SHISAL1: variants seen among roughly 807,000 people sequenced by gnomAD.
SHISAL1 encodes the protein shisa like 1, also known as protein shisa-like-1.
Under a neutral mutation model 22.6 loss-of-function variants are expected in SHISAL1, and 9 were observed. That is an observed-to-expected ratio of 0.40 (90% CI 0.24 to 0.70). The LOEUF (loss-of-function observed/expected upper bound fraction) is 0.70. Ranked by LOEUF, SHISAL1 falls within the 30% of genes least tolerant of loss-of-function variation. The pLI, the probability that SHISAL1 is intolerant of heterozygous loss-of-function variation, is 0.39. For synonymous variants in SHISAL1, 119 were observed against 115.4 expected, an observed-to-expected ratio of 1.03 and a Z score of -0.20; for missense variants, 246 against 270.6, an observed-to-expected ratio of 0.91 and a Z score of 0.64.
chr22:44,294,822 AG>A (rs1262812673), intron 3 of SHISAL1, among the ~76,000 whole-genome samples: 1 of 152,230 alleles, frequency 6.6e-6, no homozygotes, highest in Non-Finnish European at 1.5e-5. Flanking sequence ...AACAATACTC[AG>A]AGGATATAGT....
chr22:44,251,190 T>G (rs1205830301), intron 4 of SHISAL1, among the ~76,000 whole-genome samples: 1 of 152,248 alleles, frequency 6.6e-6, no homozygotes, highest in Non-Finnish European at 1.5e-5. Flanking sequence ...TGATTGTGTG[T>G]TTTACACATC....
chr22:44,331,433 C>T, the SHISAL1 span, among the ~76,000 whole-genome samples: 1 of 151,392 alleles, frequency 6.6e-6, no homozygotes, highest in African/African-American at 2.4e-5. The surrounding 1 kb of genome is among the most constrained non-coding windows in gnomAD (Gnocchi z 5.2). Context: ...TCTCGGACCC[C>T]GGCCCAGGCG....
At chr22:44,282,546 G>A (rs1379866180) in intron 4 of SHISAL1, among the ~76,000 whole-genome samples, 1 of 152,188 alleles carries the variant, frequency 6.6e-6, no homozygotes, top group Non-Finnish European at 1.5e-5. Context: ...TCCTCCTGCT[G>A]CCCCTGCACA....
chr22:44,258,870 G>T (rs148315201), intron 4 of SHISAL1, among the ~76,000 whole-genome samples: 1 of 152,168 alleles, frequency 6.6e-6, no homozygotes, highest in Non-Finnish European at 1.5e-5. Flanking sequence ...ATGTAAGAGT[G>T]GGGTGGATGG....
At position 44,248,376 on chromosome 22, in the gene SHISAL1, A is replaced by G. The variant is rs1430011588; in HGVS notation, c.*1309T>C. On this transcript the variant is annotated 3_prime_UTR_variant, in exon 5 of 5. Transcript: ENST00000381176. Reference sequence around the variant, plus strand: ...ATTTGGTATCACTAACACCCATGGAATGAGTGTGTCTACACTGGCAGCATG... The same window carrying G: ...ATTTGGTATCACTAACACCCATGGAGTGAGTGTGTCTACACTGGCAGCATG... The G allele has an allele frequency of 6.9e-6, 1 of 145,742 alleles. No homozygotes were observed. The highest frequency in any genetic ancestry group is 1.5e-5 in the Non-Finnish European group (1 of 67,976). The allele number at this position is 145,742 out of a possible 1,614,324, so 9.0% of individuals were successfully genotyped here. A position where few individuals can be genotyped will look rare whatever the true frequency, so the allele number is the denominator to read the frequency against.
At chr22:44,303,220 C>T (rs770012210) in intron 1 of SHISAL1, among the ~76,000 whole-genome samples, 2 of 152,038 alleles carry the variant, frequency 1.3e-5, no homozygotes, top group South Asian at 2.1e-4. Flanking sequence ...TACTGTACCC[C>T]ATCCTCTCCC....
chr22:44,303,910 C>G (rs1479932690), intron 1 of SHISAL1, among the ~76,000 whole-genome samples: 1 of 152,170 alleles, frequency 6.6e-6, no homozygotes, highest in Non-Finnish European at 1.5e-5. Flanking sequence ...ACTCCCTGCC[C>G]GCTCCATCCT....
At position 44,296,872 on chromosome 22, in the gene SHISAL1, A is replaced by T. The variant is rs780358633; in HGVS notation, c.81T>A (p.His27Gln). ...CTGTGTATGGTTCACAGACCCGGAA[A>T]TGTGCAGACAAGACTGGAAGACAGA... ...SLLFSAVLSA[H>Q]FRVCEPYTDH... The change falls in exon 3 of 5, where the codon CAT (histidine) becomes CAA (glutamine). Residue 27 changes from histidine to glutamine, a missense_variant. By Grantham distance (24) the His-to-Gln change is conservative. Around this residue, in one of 2 missense-constraint regions of SHISAL1, gnomAD observed 110 missense variants for 153.1 expected, o/e 0.72. Transcript: ENST00000381176. 3.7e-6 allele frequency: 6 copies of T among 1,612,048 alleles called. No individual in the cohort carries two copies. Among genetic ancestry groups the T allele is most frequent in the Non-Finnish European group, 5.1e-6 (6 of 1,179,648 alleles).
At chr22:44,269,884 C>T (rs1179394378) in intron 4 of SHISAL1, among the ~76,000 whole-genome samples, 1 of 152,224 alleles carries the variant, frequency 6.6e-6, no homozygotes, top group African/African-American at 2.4e-5. Flanking sequence ...CCAGCTCCGC[C>T]CCTCCAGCAC....
intron 3 of SHISAL1, among the ~76,000 whole-genome samples, chr22:44,288,641 A>C (rs2055332709): frequency 6.6e-6 from 1 of 152,200 alleles, no homozygotes; most frequent in African/African-American, 2.4e-5. Context: ...ACTCCGTCTC[A>C]AAAAAAGAAA....
upstream of SHISAL1, among the ~76,000 whole-genome samples, chr22:44,317,210 G>A (rs937620457): frequency 7.9e-5 from 12 of 152,322 alleles, no homozygotes; most frequent in South Asian, 1.7e-3. Context: ...GCTGCTGGGC[G>A]GGTGCGATTC....
intron 3 of SHISAL1, among the ~76,000 whole-genome samples, chr22:44,285,972 T>C (rs557645958): frequency 2.0e-4 from 30 of 152,274 alleles, no homozygotes; most frequent in Admixed American, 3.3e-4. Context: ...CACCTGGGCA[T>C]CCTCCAGGAC....
At chr22:44,304,357 C>G (rs1013527431) in intron 1 of SHISAL1, among the ~76,000 whole-genome samples, 1 of 152,238 alleles carries the variant, frequency 6.6e-6, no homozygotes, top group African/African-American at 2.4e-5. Context: ...GCTTCTGCAG[C>G]CTTGGTCTCC....
At chr22:44,331,536 A>G in the SHISAL1 span, among the ~76,000 whole-genome samples, 1 of 148,304 alleles carries the variant, frequency 6.7e-6, no homozygotes, top group Admixed American at 6.7e-5. This position sits in a 1 kb window ranked among gnomAD's most constrained non-coding sequence, Gnocchi z 5.2. Context: ...CGTAGCCGGG[A>G]GCCGGCGCCC....
intron 4 of SHISAL1, among the ~76,000 whole-genome samples, chr22:44,275,680 G>A (rs2055234773): frequency 6.6e-6 from 1 of 152,196 alleles, no homozygotes; most frequent in Admixed American, 6.5e-5. Context: ...CACCAGACCT[G>A]GGTTCCAATT....
intron 4 of SHISAL1, among the ~76,000 whole-genome samples, chr22:44,272,604 T>C (rs1569213641): frequency 6.6e-6 from 1 of 152,230 alleles, no homozygotes; most frequent in African/African-American, 2.4e-5. Context: ...CCAAGACGTT[T>C]CCTTGGGGGG....
chr22:44,287,845 A>T (rs1275293631), intron 3 of SHISAL1, among the ~76,000 whole-genome samples: 1 of 150,992 alleles, frequency 6.6e-6, no homozygotes, highest in East Asian at 2.0e-4. Context: ...TTTCCCCAGC[A>T]CCCTCCCTGC....
At position 44,245,188 on chromosome 22, in the gene SHISAL1, C is replaced by G. The variant is rs2054988446; in HGVS notation, c.*4497G>C. ...ATTCCTGCAGTTTGCTTCCATGATTCCAACCCTAGATTTTCACAGCAGACG... is the reference window on the plus strand; with the variant it reads ...ATTCCTGCAGTTTGCTTCCATGATTGCAACCCTAGATTTTCACAGCAGACG... On this transcript the variant is annotated 3_prime_UTR_variant, in exon 5 of 5. Transcript: ENST00000381176. 6.6e-6 allele frequency: 1 copy of G among 152,252 alleles called. No homozygotes were observed. The highest frequency in any genetic ancestry group is 1.5e-5 in the Non-Finnish European group (1 of 68,062). The allele number at this position is 152,252 out of a possible 1,614,324, so 9.4% of individuals were successfully genotyped here. A position where few individuals can be genotyped will look rare whatever the true frequency, so the allele number is the denominator to read the frequency against.
rs566187865 is a variant in SHISAL1 at position 44,278,467 on chromosome 22, G to A, written c.599+6961C>T. On this transcript the variant is annotated intron_variant, in intron 4 of 4. Transcript: ENST00000381176. ...CAGGGGCACCTTTATGGTGGAAAAT[G>A]AAGCAGAAAAACAGAGGAAACTGCG... is the stretch of plus-strand genomic sequence containing the variant. Among the ~76,000 whole-genome samples, 58 of 152,376 alleles carry A rather than the reference G, an allele frequency of 3.8e-4. No individual in the cohort carries two copies. The South Asian group carries it at 0.012, about 30-fold the overall frequency.
Sources: gnomAD v4.1 joint callset for allele counts (sites outside exome capture counted in the v4.1 genomes callset) on GRCh38, gnomAD v4.1.1 for gene constraint, gnomAD v4.1.1 regional missense constraint, Gnocchi (gnomAD v3.1) non-coding constraint, MANE v1.5 for transcripts, NCBI Gene and HGNC (gene_info 2026-07-23, HGNC 2026-07-21) for gene names.